DCBLD2: variants seen among roughly 807,000 people sequenced by gnomAD.
The protein encoded by DCBLD2 is discoidin, CUB and LCCL domain containing 2.
A neutral mutation model predicts 86.8 loss-of-function variants in DCBLD2; 54 were observed. The observed-to-expected ratio is 0.62, with a 90% CI of 0.50 to 0.78. DCBLD2 has a LOEUF of 0.78. Among genes scored for constraint, DCBLD2 ranks in the 30% least tolerant of loss-of-function variants. DCBLD2 has a pLI of 0.00. For synonymous variants in DCBLD2, 354 were observed against 341.3 expected, an observed-to-expected ratio of 1.04 and a Z score of -0.41; for missense variants, 908 against 954.2, an observed-to-expected ratio of 0.95 and a Z score of 0.64.
chr3:98,876,233 A>G (rs1943366156), intron 2 of DCBLD2, among the ~76,000 whole-genome samples: 3 of 151,748 alleles, frequency 2.0e-5, no homozygotes, highest in South Asian at 2.1e-4. Context: ...AGACCAATAA[A>G]ACTTGACAGA....
At chr3:98,808,893 CGT>C (rs1941886266) in intron 12 of DCBLD2, among the ~76,000 whole-genome samples, 1 of 152,022 alleles carries the variant, frequency 6.6e-6, no homozygotes, top group Non-Finnish European at 1.5e-5. Context: ...CCTGTTTCTG[CGT>C]AAGAGTGAAA....
At chr3:98,834,542 A>G (rs1435835664) in intron 3 of DCBLD2, among the ~76,000 whole-genome samples, 1 of 152,180 alleles carries the variant, frequency 6.6e-6, no homozygotes, top group Non-Finnish European at 1.5e-5. Flanking sequence ...TATGAGTGAG[A>G]ACATGTGATA....
chr3:98,811,215 C>G lies in DCBLD2; in HGVS notation c.1555G>C (p.Val519Leu). ...TASPDIRNTT[V>L]TPNVTKDVAL... The stretch of plus-strand genomic sequence containing the variant: ...ATACCTTTGGTTACATTTGGAGTTA[C>G]GGTAGTATTTCTGATATCAGGACTG... The change falls in exon 12 of 16, where the codon GTA (valine) becomes CTA (leucine). Residue 519 changes from valine to leucine, a missense_variant. By Grantham distance (32) the Val-to-Leu change is conservative. Transcript: ENST00000326840. 6.2e-7 allele frequency: 1 copy of G among 1,608,494 alleles called. No homozygotes were observed. The highest frequency in any genetic ancestry group is 8.5e-7 in the Non-Finnish European group (1 of 1,178,178).
intron 1 of DCBLD2, among the ~76,000 whole-genome samples, chr3:98,894,357 G>A (rs35076733): frequency 0.053 from 8,089 of 152,194 alleles, 277 homozygotes; most frequent in Non-Finnish European, 0.07. Context: ...AGGCAACTAC[G>A]AGAACAAAAA....
intron 9 of DCBLD2, chr3:98,812,893 G>A (rs1461427988): frequency 6.5e-6 from 1 of 152,952 alleles, no homozygotes; most frequent in Admixed American, 6.5e-5. Context: ...CCAAGTCTTA[G>A]GGGAAATATT....
At chr3:98,810,065 T>C (rs189212641) in intron 12 of DCBLD2, among the ~76,000 whole-genome samples, 374 of 152,338 alleles carry the variant, frequency 2.5e-3, no homozygotes, top group Non-Finnish European at 3.5e-3. Context: ...CATTCTTTGT[T>C]ATTCTTTTTG....
At chr3:98,874,553 T>C (rs901921503) in intron 2 of DCBLD2, among the ~76,000 whole-genome samples, 25 of 152,208 alleles carry the variant, frequency 1.6e-4, no homozygotes, top group Non-Finnish European at 1.5e-5. Context: ...CAACACTTAA[T>C]GGAAATCAGT....
At position 98,836,727 on chromosome 3, in the gene DCBLD2, G is replaced by A. The variant is rs1269389835; in HGVS notation, c.572-11361C>T. 2.2e-4 allele frequency among the ~76,000 whole-genome samples: 7 copies of A among 32,000 alleles called. No individual in the cohort carries two copies. In the South Asian group the frequency reaches 8.6e-3, roughly 39 times the overall value. 21.0% of individuals were successfully genotyped at this position (32,000 alleles called of 152,430 possible). On this transcript the variant is annotated intron_variant, in intron 3 of 15. Transcript: ENST00000326840. ...GGGCGGCTGGCCGGGCGGGGGGGCTGACCCCCCCATCTCCCTCCCGGACGG... is the reference window on the plus strand; with the variant it reads ...GGGCGGCTGGCCGGGCGGGGGGGCTAACCCCCCCATCTCCCTCCCGGACGG...
At chr3:98,882,197 T>C (rs1943483810) in intron 1 of DCBLD2, among the ~76,000 whole-genome samples, 1 of 152,204 alleles carries the variant, frequency 6.6e-6, no homozygotes, top group Admixed American at 6.5e-5. Context: ...CAATGGTTAC[T>C]TATATAATTT....
Position 98,799,693 on chromosome 3 carries a change from T to G in DCBLD2, c.2007A>C (p.Pro669=). 1 of 1,613,768 alleles carries G rather than the reference T, an allele frequency of 6.2e-7. No homozygotes were observed. The highest frequency in any genetic ancestry group is 8.5e-7 in the Non-Finnish European group (1 of 1,179,824). The change falls in exon 16 of 16, where the codon CCA becomes CCC. Residue 669 remains proline, a synonymous_variant. Transcript: ENST00000326840. ...GQEVYHAYAE[P]LPITGPEYAT... ...CATACTCAGGCCCCGTAATTGGGAG[T>G]GGTTCAGCATAGGCATGATAAACTT... is the stretch of plus-strand genomic sequence containing the variant.
intron 3 of DCBLD2, among the ~76,000 whole-genome samples, chr3:98,830,808 A>G (rs1942307560): frequency 6.6e-6 from 1 of 152,208 alleles, no homozygotes. Flanking sequence ...ATTTCATTGA[A>G]TCTGTAAATC....
chr3:98,803,792 A>C (rs1454569543), intron 13 of DCBLD2, among the ~76,000 whole-genome samples: 2 of 152,206 alleles, frequency 1.3e-5, no homozygotes, highest in Non-Finnish European at 2.9e-5. Flanking sequence ...TTCTGCATTT[A>C]TTGAGATAAT....
intron 2 of DCBLD2, among the ~76,000 whole-genome samples, chr3:98,872,758 A>ACC (rs1176278027): frequency 6.6e-6 from 1 of 152,168 alleles, no homozygotes; most frequent in Non-Finnish European, 1.5e-5. Flanking sequence ...AAACCTTACC[A>ACC]AACACGAAAA....
chr3:98,828,205 T>C (rs892206492), intron 3 of DCBLD2, among the ~76,000 whole-genome samples: 1 of 152,090 alleles, frequency 6.6e-6, no homozygotes, highest in African/African-American at 2.4e-5. Flanking sequence ...TAAAAATAAA[T>C]GGAAGTTCAT....
chr3:98,849,127 C>T (rs548996614), intron 3 of DCBLD2, among the ~76,000 whole-genome samples: 9 of 151,044 alleles, frequency 6.0e-5, no homozygotes, highest in African/African-American at 2.2e-4. Flanking sequence ...CGAGATCACA[C>T]CACTGCACTC....
At chr3:98,807,886 A>G (rs1175475393) in intron 13 of DCBLD2, 195 bp downstream of exon 13, 10 of 370,372 alleles carry the variant, frequency 2.7e-5, no homozygotes, top group Non-Finnish European at 4.8e-5. Flanking sequence ...ACTTGATACA[A>G]AAAAGGTACT....
At chr3:98,844,641 G>A (rs2439229) in intron 3 of DCBLD2, among the ~76,000 whole-genome samples, 65,948 of 151,856 alleles carry the variant, frequency 0.43, 14,484 homozygotes, top group African/African-American at 0.46. Context: ...GGGATTACAA[G>A]TGTGAACCAC....
At chr3:98,850,974 C>A (rs1253676102) in intron 2 of DCBLD2, among the ~76,000 whole-genome samples, 3 of 152,112 alleles carry the variant, frequency 2.0e-5, no homozygotes, top group Non-Finnish European at 2.9e-5. Flanking sequence ...TTATGACAAA[C>A]CCACAGCCAA....
rs1553734159 is a variant in DCBLD2 at position 98,886,809 on chromosome 3, CTTT to C, written c.206-5045_206-5043del. Among the ~76,000 whole-genome samples the C allele has an allele frequency of 3.4e-4, 41 of 121,518 alleles. No homozygotes were observed. In the South Asian group the frequency reaches 3.4e-3, roughly 10 times the overall value. 79.7% of individuals were successfully genotyped at this position (121,518 alleles called of 152,430 possible). On this transcript the variant is annotated intron_variant, in intron 1 of 15. Coordinates refer to ENST00000326840, the MANE Select transcript of DCBLD2 (RefSeq NM_080927.4). ...ATATTATTACAGGAAAACCCCCCCCCTTTTTTTTTTTTTTTTACTACTTATCCC... is the reference window on the plus strand; with the variant it reads ...ATATTATTACAGGAAAACCCCCCCCCTTTTTTTTTTTTTACTACTTATCCC...
Sources: allele counts gnomAD v4.1 joint callset (sites outside exome capture counted in the v4.1 genomes callset), GRCh38; gene constraint gnomAD v4.1.1; transcripts MANE v1.5; gene names NCBI Gene and HGNC (gene_info 2026-07-23, HGNC 2026-07-21).